The following CXCL12 variants were observed in gnomAD, a reference collection of about 807,000 sequenced individuals.
The protein encoded by CXCL12 is stromal cell-derived factor 1.
A neutral mutation model predicts 10.7 loss-of-function variants in CXCL12; 4 were observed. The ratio of observed to expected loss-of-function variants is 0.37; its 90% CI spans 0.18 to 0.86. The LOEUF is 0.86. Among genes scored for constraint, CXCL12 ranks in the 40% least tolerant of loss-of-function variants. The pLI is 0.43. For missense variants in CXCL12, 122 were observed against 110.4 expected (o/e 1.10, Z -0.47); for synonymous variants, 54 against 45.4 (o/e 1.19, Z -0.77).
chr10:44,378,353 C>A lies in CXCL12; in HGVS notation c.*280G>T, dbSNP rs1839522336. On this transcript the variant is annotated 3_prime_UTR_variant, in exon 3 of 3. Transcript: ENST00000343575. Reference sequence around the variant, plus strand: ...CTGCTTGAAAATGCTGTTGATAATACAATTTCTTTCTTAGAAAAACCCCAG... The same window carrying A: ...CTGCTTGAAAATGCTGTTGATAATAAAATTTCTTTCTTAGAAAAACCCCAG... 4 of 1,506,822 alleles carry A rather than the reference C, an allele frequency of 2.7e-6. No individual in the cohort carries two copies. Among genetic ancestry groups the A allele is most frequent in the South Asian group, 1.1e-5 (1 of 89,156 alleles). 93.3% of individuals were successfully genotyped at this position (1,506,822 alleles called of 1,614,324 possible).
At chr10:44,374,869 C>T (rs1457431823), downstream of CXCL12, 3 of 366,336 alleles carry the variant, frequency 8.2e-6, no homozygotes, top group African/African-American at 4.3e-5. Flanking sequence ...CCGAGCACTA[C>T]TGAAATGGGG....
chr10:44,385,029 G>T lies in CXCL12; in HGVS notation c.-24C>A. Reference sequence around the variant, plus strand: ...ATGGCGCGGGCGGGCGGGCGGGCGGGCGGACGAGCGCGGGTCGGGGGCCGG... The same window carrying T: ...ATGGCGCGGGCGGGCGGGCGGGCGGTCGGACGAGCGCGGGTCGGGGGCCGG... On this transcript the variant is annotated 5_prime_UTR_variant, in exon 1 of 3. Coordinates refer to ENST00000343575, the MANE Select transcript of CXCL12 (RefSeq NM_199168.4). 4.7e-6 allele frequency: 3 copies of T among 641,822 alleles called. No homozygotes were observed. The highest frequency in any genetic ancestry group is 7.4e-6 in the Non-Finnish European group (3 of 407,278). The allele number at this position is 641,822 out of a possible 1,614,324, so 39.8% of individuals were successfully genotyped here.
chr10:44,373,302 A>G (rs771398619), downstream of CXCL12: 2 of 1,604,226 alleles, frequency 1.2e-6, no homozygotes, highest in Admixed American at 3.4e-5. Flanking sequence ...CTCCTACTGT[A>G]AGGGTTCCTC....
chr10:44,384,614 G>A (rs369618662), intron 1 of CXCL12, among the ~76,000 whole-genome samples: 2 of 152,342 alleles, frequency 1.3e-5, no homozygotes, highest in East Asian at 3.9e-4. Flanking sequence ...GGGCAGGCAG[G>A]GGTCTGGGGT....
chr10:44,381,862 G>A (rs928920707), intron 1 of CXCL12, among the ~76,000 whole-genome samples: 5 of 152,052 alleles, frequency 3.3e-5, no homozygotes, highest in African/African-American at 1.2e-4. Context: ...TTGGTCCAGA[G>A]ATTTTTTTTC....
At chr10:44,375,800 G>C, downstream of CXCL12, 1 of 1,480,804 alleles carries the variant, frequency 6.8e-7, no homozygotes. Flanking sequence ...GTGGCTGGCA[G>C]GGCAGCAAAG....
downstream of CXCL12, chr10:44,372,616 G>C: frequency 7.6e-7 from 1 of 1,320,818 alleles, no homozygotes; most frequent in Non-Finnish European, 9.7e-7. Flanking sequence ...GAAAGCTTTG[G>C]TCCTGAGAGT....
intron 1 of CXCL12, among the ~76,000 whole-genome samples, chr10:44,383,921 C>T (rs1392940346): frequency 6.6e-6 from 1 of 152,204 alleles, no homozygotes; most frequent in Non-Finnish European, 1.5e-5. Flanking sequence ...ACTTCACAGC[C>T]AAGGAAGCTC....
chr10:44,380,603 A>C, intron 2 of CXCL12, 160 bp downstream of exon 2: 2 of 699,076 alleles, frequency 2.9e-6, no homozygotes, highest in Non-Finnish European at 5.1e-6. Context: ...TGGCATACTA[A>C]AGGTCCTCAT....
chr10:44,378,819 C>T (rs1219764522), intron 2 of CXCL12, 96 bp from the exon 3 acceptor site: 23 of 1,238,806 alleles, frequency 1.9e-5, no homozygotes, highest in East Asian at 4.7e-5. Context: ...CTAGGGCCCT[C>T]GCTGGCACCC....
downstream of CXCL12, chr10:44,372,882 C>A (rs1211822589): frequency 2.6e-6 from 4 of 1,534,504 alleles, no homozygotes; most frequent in Non-Finnish European, 3.5e-6. Context: ...CAGAGAGAAG[C>A]CTTCACTAGG....
chr10:44,375,833 G>A (rs1242391976), downstream of CXCL12: 5 of 1,552,160 alleles, frequency 3.2e-6, no homozygotes, highest in South Asian at 1.2e-5. Context: ...ACGGAAGTCT[G>A]AGCCCCTGCC....
rs751125049 is a variant in CXCL12 at position 44,377,856 on chromosome 10, C to T, written c.*777G>A. On this transcript the variant is annotated 3_prime_UTR_variant, in exon 3 of 3. Transcript: ENST00000343575. Reference sequence around the variant, plus strand: ...GCCCTGGGAGGAGAGGGATGCAGGGCACGAGCCCCAGCAATCACCCTCTTC... The same window carrying T: ...GCCCTGGGAGGAGAGGGATGCAGGGTACGAGCCCCAGCAATCACCCTCTTC... The T allele has an allele frequency of 4.4e-6, 7 of 1,587,408 alleles. No homozygotes were observed. The highest frequency in any genetic ancestry group is 1.1e-5 in the South Asian group (1 of 89,186).
chr10:44,376,531 G>A (rs1839455792), downstream of CXCL12, among the ~76,000 whole-genome samples: 1 of 152,192 alleles, frequency 6.6e-6, no homozygotes, highest in African/African-American at 2.4e-5. Flanking sequence ...AAAAGGCAGT[G>A]GTCCCACCTT....
chr10:44,385,006 GGCGC>G lies in CXCL12; in HGVS notation c.-5_-2del, dbSNP rs772840325. Reference sequence around the variant, plus strand: ...GCACGACCACGACCTTGGCGTTCATGGCGCGGGCGGGCGGGCGGGCGGGCGGACG... The same window carrying G: ...GCACGACCACGACCTTGGCGTTCATGGGGCGGGCGGGCGGGCGGGCGGACG... On this transcript the variant is annotated 5_prime_UTR_variant, in exon 1 of 3. Transcript: ENST00000343575. 1 of 1,461,156 alleles carries G rather than the reference GGCGC, an allele frequency of 6.8e-7. No individual in the cohort carries two copies. Among genetic ancestry groups the G allele is most frequent in the Non-Finnish European group, 9.0e-7 (1 of 1,111,664 alleles). The allele number at this position is 1,461,156 out of a possible 1,614,324, so 90.5% of individuals were successfully genotyped here.
intron 2 of CXCL12, 106 bp from the exon 3 acceptor site, chr10:44,378,829 C>T (rs2132044942): frequency 8.8e-7 from 1 of 1,133,248 alleles, no homozygotes; most frequent in African/African-American, 1.5e-5. Context: ...CGCTGGCACC[C>T]CGTGCTCCAC....
chr10:44,377,569 G>A lies in CXCL12; in HGVS notation c.*1064C>T. On this transcript the variant is annotated 3_prime_UTR_variant, in exon 3 of 3. Transcript: ENST00000343575. Reference sequence around the variant, plus strand: ...CAGGAGGGGGTAGTGGCAAGATGATGGTTTATTCACTGATTTTTTCGCTTC... The same window carrying A: ...CAGGAGGGGGTAGTGGCAAGATGATAGTTTATTCACTGATTTTTTCGCTTC... 3 of 1,469,800 alleles carry A rather than the reference G, an allele frequency of 2.0e-6. No individual in the cohort carries two copies. Among genetic ancestry groups the A allele is most frequent in the East Asian group, 2.5e-5 (1 of 40,114 alleles). The allele number at this position is 1,469,800 out of a possible 1,614,324, so 91.0% of individuals were successfully genotyped here. A position where few individuals can be genotyped will look rare whatever the true frequency, so the allele number is the denominator to read the frequency against.
Position 44,377,786 on chromosome 10 carries a change from G to A in CXCL12, c.*847C>T, listed in dbSNP as rs188984713. The A allele has an allele frequency of 1.5e-4, 239 of 1,598,256 alleles. No individual in the cohort carries two copies. The African/African-American group carries it at 2.3e-3, about 16-fold the overall frequency. ...AGGAGAGGGCCAGCTCCATTCTGGA[G>A]GAGGCCAAAGACGGATCTCACAGAG... On this transcript the variant is annotated 3_prime_UTR_variant, in exon 3 of 3. Transcript: ENST00000343575.
chr10:44,384,698 C>T (rs1588905997), intron 1 of CXCL12, among the ~76,000 whole-genome samples: 1 of 152,346 alleles, frequency 6.6e-6, no homozygotes, highest in African/African-American at 2.4e-5. Flanking sequence ...CCCAGTTGTC[C>T]CGGCTGACCT....
Sources: allele counts gnomAD v4.1 joint callset (sites outside exome capture counted in the v4.1 genomes callset), GRCh38; gene constraint gnomAD v4.1.1; transcripts MANE v1.5; gene names NCBI Gene and HGNC (gene_info 2026-07-23, HGNC 2026-07-21).